The following LRMDA variants were observed in gnomAD, a reference collection of about 807,000 sequenced individuals.
The protein encoded by LRMDA is leucine-rich melanocyte differentiation-associated protein.
A neutral mutation model predicts 29.8 loss-of-function variants in LRMDA; 18 were observed. The ratio of observed to expected loss-of-function variants is 0.60; its 90% CI spans 0.42 to 0.90. The LOEUF (loss-of-function observed/expected upper bound fraction) is 0.90, where lower values mean the gene tolerates loss of function less well. Among genes scored for constraint, LRMDA ranks in the 40% least tolerant of loss-of-function variants. LRMDA has a pLI of 0.00. For missense variants in LRMDA, 273 were observed against 273.9 expected, an observed-to-expected ratio of 1.00 and a Z score of 0.02; for synonymous variants, 125 against 109.4, an observed-to-expected ratio of 1.14 and a Z score of -0.89.
At chr10:75,550,072 T>C (rs185617929) in intron 2 of LRMDA, among the ~76,000 whole-genome samples, 309 of 152,320 alleles carry the variant, frequency 2.0e-3, no homozygotes, top group Middle Eastern at 0.014. Context: ...TGTTTAAAGT[T>C]TTAGCTATTT....
At chr10:76,083,902 G>A (rs1038688773) in intron 5 of LRMDA, among the ~76,000 whole-genome samples, 9 of 151,022 alleles carry the variant, frequency 6.0e-5, no homozygotes, top group South Asian at 2.1e-4. Flanking sequence ...TTGTTTAACC[G>A]TTTGTTTCCC....
intron 2 of LRMDA, among the ~76,000 whole-genome samples, chr10:75,839,752 A>G (rs1190065489): frequency 1.6e-5 from 2 of 121,552 alleles, no homozygotes; most frequent in East Asian, 2.4e-4. Context: ...TCTGTTGCCC[A>G]GGCTGGAGTG....
chr10:75,510,573 C>T (rs971651789), intron 2 of LRMDA, among the ~76,000 whole-genome samples: 1 of 152,164 alleles, frequency 6.6e-6, no homozygotes, highest in African/African-American at 2.4e-5. Context: ...ATAATTCGAG[C>T]TGAGTTCTGA....
At chr10:76,218,573 A>G (rs573123659) in intron 5 of LRMDA, among the ~76,000 whole-genome samples, 6 of 152,348 alleles carry the variant, frequency 3.9e-5, no homozygotes, top group Non-Finnish European at 7.4e-5. Flanking sequence ...ACAGATATCC[A>G]AGAGGCACCA....
intron 2 of LRMDA, among the ~76,000 whole-genome samples, chr10:75,483,150 T>C (rs1844871907): frequency 6.6e-6 from 1 of 152,120 alleles, no homozygotes; most frequent in Non-Finnish European, 1.5e-5. Context: ...TTTTACCACG[T>C]TACCCAGGCT....
intron 5 of LRMDA, among the ~76,000 whole-genome samples, chr10:76,150,770 A>T (rs2132164912): frequency 6.6e-6 from 1 of 152,298 alleles, no homozygotes; most frequent in South Asian, 2.1e-4. Flanking sequence ...AACACACTTA[A>T]CGTCTGCTTT....
At chr10:75,644,468 A>T (rs1841490586) in intron 2 of LRMDA, among the ~76,000 whole-genome samples, 1 of 152,228 alleles carries the variant, frequency 6.6e-6, no homozygotes, top group Non-Finnish European at 1.5e-5. Context: ...CAATTTCATG[A>T]ACTGTGTGAT....
At chr10:76,143,887 A>T (rs1418750123) in intron 5 of LRMDA, among the ~76,000 whole-genome samples, 2 of 152,128 alleles carry the variant, frequency 1.3e-5, no homozygotes, top group African/African-American at 4.8e-5. Context: ...TAAGGAAGGG[A>T]TCCAGTTTCA....
intron 2 of LRMDA, among the ~76,000 whole-genome samples, chr10:75,904,676 A>C (rs2132369579): frequency 6.6e-6 from 1 of 152,282 alleles, no homozygotes; most frequent in South Asian, 2.1e-4. Context: ...CTTATCATTA[A>C]CTTTCACACC....
At chr10:75,832,592 G>A (rs1844364294) in intron 2 of LRMDA, among the ~76,000 whole-genome samples, 1 of 152,102 alleles carries the variant, frequency 6.6e-6, no homozygotes, top group Non-Finnish European at 1.5e-5. Flanking sequence ...CTTTTCAGTG[G>A]CACCCCATTC....
At chr10:76,320,955 A>C (rs959361882) in intron 5 of LRMDA, among the ~76,000 whole-genome samples, 4 of 152,222 alleles carry the variant, frequency 2.6e-5, no homozygotes, top group Non-Finnish European at 4.4e-5. Context: ...ATCATTTTGC[A>C]ACTTGCATTT....
At chr10:76,075,655 C>T (rs928589404) in intron 5 of LRMDA, among the ~76,000 whole-genome samples, 4 of 152,224 alleles carry the variant, frequency 2.6e-5, no homozygotes, top group Non-Finnish European at 5.9e-5. Context: ...ACTGTAAACC[C>T]TTGGGCAAGT....
At chr10:75,740,466 C>T (rs570807382) in intron 2 of LRMDA, among the ~76,000 whole-genome samples, 26 of 152,248 alleles carry the variant, frequency 1.7e-4, no homozygotes, top group Admixed American at 9.8e-4. Context: ...TTTAGGGAGA[C>T]GCCAGGAAAG....
At chr10:75,543,570 T>G (rs561100826) in intron 2 of LRMDA, among the ~76,000 whole-genome samples, 1 of 152,322 alleles carries the variant, frequency 6.6e-6, no homozygotes, top group African/African-American at 2.4e-5. Flanking sequence ...AGCCCAGTAT[T>G]TATTTGTATT....
chr10:76,459,193 C>T (rs1842487942), intron 6 of LRMDA, among the ~76,000 whole-genome samples: 1 of 152,166 alleles, frequency 6.6e-6, no homozygotes. Context: ...TCAAAACCTC[C>T]TTGCCAAGCA....
At position 75,578,215 on chromosome 10, in the gene LRMDA, C is replaced by CAAAAAAAAAAAAAAAAAAAAA. The variant is rs1183989010; in HGVS notation, c.131+139725_131+139745dup. On this transcript the variant is annotated intron_variant, in intron 2 of 6. Transcript: ENST00000611255. ...GTATATTTACCAAGCAAATGGAAAG[C>CAAAAAAAAAAAAAAAAAAAAA]AAAAAAAAAAAAAAAAAAAAAAAAG... Among the ~76,000 whole-genome samples the CAAAAAAAAAAAAAAAAAAAAA allele has an allele frequency of 1.6e-3, 23 of 14,226 alleles. 6 individuals carry two copies. Among genetic ancestry groups the CAAAAAAAAAAAAAAAAAAAAA allele is most frequent in the Admixed American group, 6.3e-3 (4 of 632 alleles). 9.3% of individuals were successfully genotyped at this position (14,226 alleles called of 152,430 possible). A position where few individuals can be genotyped will look rare whatever the true frequency, so the allele number is the denominator to read the frequency against.
chr10:75,905,578 C>T (rs1055370110), intron 2 of LRMDA, among the ~76,000 whole-genome samples: 1 of 151,596 alleles, frequency 6.6e-6, no homozygotes, highest in African/African-American at 2.4e-5. Flanking sequence ...TTAAAAAAGA[C>T]TCTTCCTTCT....
chr10:75,438,100 T>C (rs763315725), intron 1 of LRMDA, among the ~76,000 whole-genome samples: 44 of 152,206 alleles, frequency 2.9e-4, no homozygotes, highest in Non-Finnish European at 1.3e-4. Context: ...CAATGTGCCC[T>C]GATATTCAGG....
At chr10:75,993,566 C>T (rs928595351) in intron 2 of LRMDA, among the ~76,000 whole-genome samples, 1 of 152,038 alleles carries the variant, frequency 6.6e-6, no homozygotes, top group Non-Finnish European at 1.5e-5. Context: ...AACTCCATCT[C>T]TACTAAAAAT....
Sources: allele counts gnomAD v4.1 joint callset (sites outside exome capture counted in the v4.1 genomes callset), GRCh38; gene constraint gnomAD v4.1.1; transcripts MANE v1.5; gene names NCBI Gene and HGNC (gene_info 2026-07-23, HGNC 2026-07-21).